Variants in DNAJC17 observed in about 807,000 individuals in gnomAD.
DNAJC17 encodes the protein dnaJ homolog subfamily C member 17.
A neutral mutation model predicts 48.1 loss-of-function variants in DNAJC17; 35 were observed. The observed-to-expected ratio is 0.73, with a 90% CI of 0.56 to 0.96. The LOEUF (loss-of-function observed/expected upper bound fraction) is 0.96, where lower values mean the gene tolerates loss of function less well. Ranked by LOEUF, DNAJC17 falls within the 50% of genes least tolerant of loss-of-function variation. The probability of loss-of-function intolerance (pLI) is 0.00; values close to 1 mark genes in which losing one functional copy is unlikely to be tolerated. For synonymous variants in DNAJC17, 117 were observed against 142.7 expected (o/e 0.82, Z 1.28); for missense variants, 355 against 377.1 (o/e 0.94, Z 0.48).
At chr15:40,794,439 A>C (rs1474638407) in intron 1 of DNAJC17, among the ~76,000 whole-genome samples, 1 of 152,208 alleles carries the variant, frequency 6.6e-6, no homozygotes, top group Non-Finnish European at 1.5e-5. Flanking sequence ...TGGGAGGCCA[A>C]GGCCAGAGGA....
At position 40,807,339 on chromosome 15, in the gene DNAJC17, A is replaced by G. The variant is rs984783421; in HGVS notation, c.78+30T>C. 3.1e-6 allele frequency: 5 copies of G among 1,614,228 alleles called. No individual in the cohort carries two copies. In the East Asian group the frequency reaches 1.1e-4, roughly 36 times the overall value. ...GACAGGAAGGACCGCCAGACCTCTC[A>G]AGATCAGCCTTCCTCGCCACCGTTC... On this transcript the variant is annotated intron_variant, in intron 1 of 10. Transcript: ENST00000220496.
intron 1 of DNAJC17, among the ~76,000 whole-genome samples, chr15:40,805,704 C>T (rs550266139): frequency 1.3e-5 from 2 of 149,562 alleles, no homozygotes; most frequent in South Asian, 4.3e-4. Flanking sequence ...GTGGCAGGCG[C>T]CTGTAGTCCC....
In DNAJC17 at chr15:40,767,816, C is replaced by A. The variant is rs1412836036; in HGVS notation, c.*124G>T. The A allele has an allele frequency of 7.2e-7, 1 of 1,387,456 alleles. No individual in the cohort carries two copies. The highest frequency in any genetic ancestry group is 2.5e-5 in the Admixed American group (1 of 40,460). The allele number at this position is 1,387,456 out of a possible 1,614,324, so 85.9% of individuals were successfully genotyped here. A position where few individuals can be genotyped will look rare whatever the true frequency, so the allele number is the denominator to read the frequency against. Reference sequence around the variant, plus strand: ...GGAGGGGCGCCAGGCCTGGGTGGAGCGCTCTGCGGCAGAGCCCAGCACCTT... The same window carrying A: ...GGAGGGGCGCCAGGCCTGGGTGGAGAGCTCTGCGGCAGAGCCCAGCACCTT... On this transcript the variant is annotated 3_prime_UTR_variant, in exon 11 of 11. Coordinates refer to ENST00000220496, the MANE Select transcript of DNAJC17 (RefSeq NM_018163.3).
In DNAJC17 at chr15:40,770,751, T is replaced by C. The variant is rs1466736232; in HGVS notation, c.793-2689A>G. The C allele has an allele frequency of 1.3e-6, 2 of 1,545,532 alleles. No individual in the cohort carries two copies. The highest frequency in any genetic ancestry group is 1.4e-5 in the African/African-American group (1 of 73,006). On this transcript the variant is annotated intron_variant, in intron 10 of 10. Transcript: ENST00000220496. The surrounding 1 kb of genome is among the most constrained non-coding windows in gnomAD (Gnocchi z 5.0). ...GGCCCCACCCAAGCCCCCACGCCTC[T>C]ACCGAGAGAGCTCAAGCTGCCCCAA...
intron 4 of DNAJC17, 61 bp downstream of exon 4, chr15:40,779,162 G>A: frequency 1.3e-6 from 2 of 1,502,862 alleles, no homozygotes; most frequent in African/African-American, 1.4e-5. Flanking sequence ...TTCAGGTGAG[G>A]GAGATGAATG....
At chr15:40,795,515 G>A (rs914909926) in intron 1 of DNAJC17, among the ~76,000 whole-genome samples, 5 of 152,120 alleles carry the variant, frequency 3.3e-5, no homozygotes, top group South Asian at 2.1e-4. Flanking sequence ...TATGGGAAAT[G>A]TTTCAACCCT....
chr15:40,769,488 T>G lies in DNAJC17; in HGVS notation c.793-1426A>C, dbSNP rs186977135. On this transcript the variant is annotated intron_variant, in intron 10 of 10. Coordinates refer to ENST00000220496, the MANE Select transcript of DNAJC17 (RefSeq NM_018163.3). This position sits in a 1 kb window ranked among gnomAD's most constrained non-coding sequence, Gnocchi z 4.2. ...TGCCAAGAAAACTTGGAGCCACCCT[T>G]GGCGGGCCCCCAGCCCAACCCTGGG... Among the ~76,000 whole-genome samples, 8 of 152,350 alleles carry G rather than the reference T, an allele frequency of 5.3e-5. No individual in the cohort carries two copies. The East Asian group carries it at 1.5e-3, about 29-fold the overall frequency.
chr15:40,773,040 A>G (rs919514193), intron 10 of DNAJC17, among the ~76,000 whole-genome samples: 1 of 149,226 alleles, frequency 6.7e-6, no homozygotes, highest in Non-Finnish European at 1.5e-5. Context: ...GGCTCACTGC[A>G]ACCTCTGCCT....
chr15:40,767,981 C>A lies in DNAJC17; in HGVS notation c.874G>T (p.Ala292Ser), dbSNP rs1157118485. The change falls in exon 11 of 11, where the codon GCA becomes TCA. Residue 292 changes from alanine to serine, a missense_variant. Ala to Ser is a moderately conservative substitution (Grantham distance 99). Transcript: ENST00000220496. ...TCCTGGTCTTCCTGCTGCATCCGTGCGATCAGCTGTTGCCGCTCGGCCGCC... is the reference window on the plus strand; with the variant it reads ...TCCTGGTCTTCCTGCTGCATCCGTGAGATCAGCTGTTGCCGCTCGGCCGCC... Reference protein sequence around the residue: ...RQAAERQQLIARMQQEDQEGP... With the variant: ...RQAAERQQLISRMQQEDQEGP... 2 of 1,611,174 alleles carry A rather than the reference C, an allele frequency of 1.2e-6. No individual in the cohort carries two copies. The highest frequency in any genetic ancestry group is 2.2e-5 in the East Asian group (1 of 44,854).
At chr15:40,805,462 G>A (rs1890184179) in intron 1 of DNAJC17, among the ~76,000 whole-genome samples, 2 of 151,652 alleles carry the variant, frequency 1.3e-5, no homozygotes, top group South Asian at 2.1e-4. Flanking sequence ...CAGGAGAATC[G>A]CTTGAACCTG....
chr15:40,779,285 GCTTTCCTGACCTTGT>G lies in DNAJC17; in HGVS notation c.218_232del (p.Asp73_Lys77del), dbSNP rs1238131664. ...GGTCCTCTCTGCTGCTTGCTTCTTG[GCTTTCCTGACCTTGT>G]CATATGCAGCCTGGCAGGAGAAAGG... is the stretch of plus-strand genomic sequence containing the variant. On this transcript the variant is annotated inframe_deletion, in exon 4 of 11. Transcript: ENST00000220496. The G allele has an allele frequency of 2.5e-6, 4 of 1,614,066 alleles. No individual in the cohort carries two copies. The highest frequency in any genetic ancestry group is 3.4e-6 in the Non-Finnish European group (4 of 1,180,024).
intron 1 of DNAJC17, among the ~76,000 whole-genome samples, chr15:40,782,927 C>T (rs541524865): frequency 2.0e-5 from 3 of 152,200 alleles, no homozygotes; most frequent in South Asian, 4.1e-4. Context: ...AGGGTGTAGA[C>T]GTGCCACCTG....
intron 1 of DNAJC17, among the ~76,000 whole-genome samples, chr15:40,785,717 G>A (rs1889622279): frequency 6.6e-6 from 1 of 152,202 alleles, no homozygotes; most frequent in Admixed American, 6.5e-5. Context: ...TCTCTAGGTG[G>A]ACAGGGCTGG....
At chr15:40,787,703 A>C (rs1889679114) in intron 1 of DNAJC17, among the ~76,000 whole-genome samples, 1 of 152,134 alleles carries the variant, frequency 6.6e-6, no homozygotes, top group Non-Finnish European at 1.5e-5. Flanking sequence ...GGAGGGCTGG[A>C]AGCTGGGTCT....
At position 40,776,273 on chromosome 15, in the gene DNAJC17, T is replaced by C; in HGVS notation, c.401A>G (p.Glu134Gly). 1 of 1,614,122 alleles carries C rather than the reference T, an allele frequency of 6.2e-7. No homozygotes were observed. The highest frequency in any genetic ancestry group is 8.5e-7 in the Non-Finnish European group (1 of 1,180,028). ...CTGTTCCTCCAGCTGCCGGGAACCC[T>C]CTTCTCTCAGGCGTTCGATCTGCAG... ...LEQEIERLREEGSRQLEEQQR... is the reference protein window; with the variant it reads ...LEQEIERLREGGSRQLEEQQR... Residue 134 changes from glutamate to glycine, a missense_variant, in exon 6 of 11, where the codon GAG (glutamate) becomes GGG (glycine). Glu to Gly is a moderately conservative substitution (Grantham distance 98). Around this residue, in one of 3 missense-constraint regions of DNAJC17, gnomAD observed 199 missense variants for 199.9 expected, o/e 1.00. Coordinates refer to ENST00000220496, the MANE Select transcript of DNAJC17 (RefSeq NM_018163.3).
chr15:40,799,873 A>G (rs1043425690), intron 1 of DNAJC17, among the ~76,000 whole-genome samples: 5 of 152,190 alleles, frequency 3.3e-5, no homozygotes, highest in South Asian at 2.1e-4. Flanking sequence ...TTTTAGAGAC[A>G]AGGTCTCGCT....
intron 4 of DNAJC17, chr15:40,776,976 G>C: frequency 4.4e-6 from 1 of 229,118 alleles, no homozygotes; most frequent in Admixed American, 5.1e-5. Context: ...CTCGATTCCT[G>C]TGGTTTGGCA....
At chr15:40,776,108 C>G in intron 6 of DNAJC17, 88 bp downstream of exon 6, 1 of 1,296,654 alleles carries the variant, frequency 7.7e-7, no homozygotes, top group Non-Finnish European at 1.1e-6. Context: ...GAAGCCTCCA[C>G]AGCAGCTCCA....
At chr15:40,784,078 T>G (rs551527356) in intron 1 of DNAJC17, among the ~76,000 whole-genome samples, 1 of 151,474 alleles carries the variant, frequency 6.6e-6, no homozygotes, top group East Asian at 1.9e-4. Context: ...AATACAAAAA[T>G]TAGCTGGGCG....
Sources: allele counts gnomAD v4.1 joint callset (sites outside exome capture counted in the v4.1 genomes callset), GRCh38; gene constraint gnomAD v4.1.1; regional missense constraint gnomAD v4.1.1; non-coding constraint Gnocchi (gnomAD v3.1); transcripts MANE v1.5; gene names NCBI Gene and HGNC (gene_info 2026-07-23, HGNC 2026-07-21).